The following HS1BP3 variants were observed in gnomAD, a reference collection of about 807,000 sequenced individuals.
HS1BP3 encodes the protein HCLS1 binding protein 3, also known as HCLS1-binding protein 3.
Under a neutral mutation model 33.5 loss-of-function variants are expected in HS1BP3, and 32 were observed. The observed-to-expected ratio is 0.95, with a 90% CI of 0.72 to 1.28. The LOEUF (loss-of-function observed/expected upper bound fraction) is 1.28. Among genes scored for constraint, HS1BP3 ranks in the 50% most tolerant of loss-of-function variants. The probability of loss-of-function intolerance (pLI) is 0.00; values close to 1 mark genes in which losing one functional copy is unlikely to be tolerated. For missense variants in HS1BP3, 486 were observed against 502.3 expected (o/e 0.97, Z 0.31); for synonymous variants, 187 against 209.2 (o/e 0.89, Z 0.92).
chr2:20,610,493 T>C (rs1033272150), intron 2 of HS1BP3, among the ~76,000 whole-genome samples: 4 of 152,186 alleles, frequency 2.6e-5, no homozygotes, highest in African/African-American at 9.7e-5. Context: ...TTGCCTTCTT[T>C]CACTTAGTAA....
At position 20,624,793 on chromosome 2, in the gene HS1BP3, G is replaced by A. The variant is rs1314783208; in HGVS notation, c.723C>T (p.Leu241=). The change falls in exon 5 of 7, where the codon CTC becomes CTT. Residue 241 remains leucine (L), a synonymous_variant. Coordinates refer to ENST00000304031, the MANE Select transcript of HS1BP3 (RefSeq NM_022460.4). ...GAGACAGCTTCCTGCCCGGGCCAAA[G>A]AGCCCCTCATCAGGGTCCACCTCCT... ...FDEEVDPDEG[L]FGPGRKLSPQ... 1.2e-6 allele frequency: 2 copies of A among 1,613,412 alleles called. No homozygotes were observed. The highest frequency in any genetic ancestry group is 1.1e-5 in the South Asian group (1 of 91,058).
intron 5 of HS1BP3, among the ~76,000 whole-genome samples, chr2:20,580,527 G>GAA (rs148402645): frequency 6.7e-6 from 1 of 148,932 alleles, no homozygotes; most frequent in African/African-American, 2.5e-5. Context: ...TCCAAAAAAA[G>GAA]AAAAAAAAAG....
intron 1 of HS1BP3, among the ~76,000 whole-genome samples, chr2:20,647,024 C>A (rs899011288): frequency 2.0e-5 from 3 of 152,160 alleles, no homozygotes; most frequent in Admixed American, 6.5e-5. Context: ...GAGAAAGAAG[C>A]CAGGCATCAT....
intron 5 of HS1BP3, among the ~76,000 whole-genome samples, chr2:20,569,189 C>T (rs191945195): frequency 6.6e-6 from 1 of 152,154 alleles, no homozygotes; most frequent in Admixed American, 6.5e-5. Flanking sequence ...CCCACCACCC[C>T]CAAAAGGCAG....
At chr2:20,634,545 C>T (rs1695062571) in intron 4 of HS1BP3, among the ~76,000 whole-genome samples, 1 of 152,192 alleles carries the variant, frequency 6.6e-6, no homozygotes, top group South Asian at 2.1e-4. Context: ...GGGGAAGCAG[C>T]TCCAGGGCAC....
chr2:20,599,653 G>T (rs933660764), intron 2 of HS1BP3, among the ~76,000 whole-genome samples: 2,677 of 116,206 alleles, frequency 0.023, 92 homozygotes, highest in African/African-American at 0.08. Flanking sequence ...CACACACTCT[G>T]TTTTTTTTTT....
At chr2:20,584,717 T>A (rs1245476065) in intron 5 of HS1BP3, among the ~76,000 whole-genome samples, 1 of 152,122 alleles carries the variant, frequency 6.6e-6, no homozygotes, top group African/African-American at 2.4e-5. Context: ...GAAGCCTGAG[T>A]CATTCCTGGG....
At chr2:20,602,154 C>G (rs1158239209) in intron 2 of HS1BP3, among the ~76,000 whole-genome samples, 1 of 150,128 alleles carries the variant, frequency 6.7e-6, no homozygotes, top group East Asian at 2.0e-4. Flanking sequence ...TAGAAGAGAG[C>G]AAGACCTGCT....
At chr2:20,630,347 C>T (rs1694931804) in intron 4 of HS1BP3, among the ~76,000 whole-genome samples, 1 of 152,136 alleles carries the variant, frequency 6.6e-6, no homozygotes, top group African/African-American at 2.4e-5. Flanking sequence ...CTCACTGCAG[C>T]CTCGACCTCC....
At chr2:20,561,161 TGCAG>T (rs1392863230) in intron 5 of HS1BP3, among the ~76,000 whole-genome samples, 11 of 152,324 alleles carry the variant, frequency 7.2e-5, no homozygotes, top group Non-Finnish European at 1.6e-4. Context: ...CTGTCACACC[TGCAG>T]GTCCTGCCCA....
At chr2:20,583,355 G>A (rs904569433) in intron 5 of HS1BP3, among the ~76,000 whole-genome samples, 8 of 151,432 alleles carry the variant, frequency 5.3e-5, no homozygotes, top group Non-Finnish European at 7.4e-5. Context: ...AGGGAGGGGC[G>A]CAGTTGGTTC....
chr2:20,585,099 G>A lies in HS1BP3; in HGVS notation c.303-24584C>T, dbSNP rs531975996. On this transcript the variant is annotated intron_variant, in intron 5 of 5. Coordinates refer to the HS1BP3 transcript ENST00000446825. ...AACCTCCAAAAGGGCACAGCGTGGC[G>A]AGGCTGTGGCTGCCACCTCAGAGCC... Among the ~76,000 whole-genome samples, 305 of 152,326 alleles carry A rather than the reference G, an allele frequency of 2.0e-3. 1 individual carries two copies. Among genetic ancestry groups the A allele is most frequent in the Non-Finnish European group, 3.4e-3 (233 of 68,020 alleles).
intron 4 of HS1BP3, among the ~76,000 whole-genome samples, chr2:20,627,846 G>A (rs531769023): frequency 7.9e-5 from 12 of 152,168 alleles, no homozygotes; most frequent in Non-Finnish European, 1.6e-4. Flanking sequence ...GCCTCTGGGG[G>A]CTTAGTAATG....
chr2:20,637,480 G>T (rs1209423629), intron 4 of HS1BP3: 4 of 152,298 alleles, frequency 2.6e-5, no homozygotes, highest in African/African-American at 9.7e-5. Flanking sequence ...GTGCCCAGGT[G>T]CCGCAGGACC....
chr2:20,634,761 A>T (rs930373048), intron 4 of HS1BP3: 1 of 152,270 alleles, frequency 6.6e-6, no homozygotes, highest in African/African-American at 2.4e-5. Context: ...ACTAAAATAC[A>T]TGTGGTTGTT....
intron 5 of HS1BP3, among the ~76,000 whole-genome samples, chr2:20,583,128 G>A (rs1405939997): frequency 6.6e-6 from 1 of 152,242 alleles, no homozygotes; most frequent in Non-Finnish European, 1.5e-5. Flanking sequence ...CATGTGCCAT[G>A]CACTGTGGTC....
At chr2:20,583,996 G>A (rs1048248011) in intron 5 of HS1BP3, among the ~76,000 whole-genome samples, 14 of 152,310 alleles carry the variant, frequency 9.2e-5, no homozygotes, top group African/African-American at 3.4e-4. Context: ...TCACAGACTC[G>A]GGCATAATTA....
intron 2 of HS1BP3, among the ~76,000 whole-genome samples, chr2:20,604,700 C>G (rs1254299036): frequency 1.3e-5 from 2 of 152,224 alleles, no homozygotes; most frequent in Admixed American, 6.5e-5. Flanking sequence ...TCCAGCCTGT[C>G]TGACAGCAAA....
intron 5 of HS1BP3, among the ~76,000 whole-genome samples, chr2:20,583,523 A>G (rs1232613945): frequency 1.3e-5 from 2 of 152,146 alleles, no homozygotes; most frequent in East Asian, 1.9e-4. Flanking sequence ...AGCCCCACCA[A>G]TTCTCAGCAC....
Sources: gnomAD v4.1 joint callset for allele counts (sites outside exome capture counted in the v4.1 genomes callset) on GRCh38, gnomAD v4.1.1 for gene constraint, MANE v1.5 for transcripts, NCBI Gene and HGNC (gene_info 2026-07-23, HGNC 2026-07-21) for gene names.